The following TARS3 variants were observed in gnomAD, a reference collection of about 807,000 sequenced individuals.
TARS3 encodes the protein threonine--tRNA ligase 2, cytoplasmic.
In TARS3, 94 loss-of-function variants were observed where a neutral mutation model predicts 103.5. The ratio of observed to expected loss-of-function variants is 0.91; its 90% CI spans 0.77 to 1.08. TARS3 has a LOEUF of 1.08. TARS3 is among the 50% of genes least tolerant of loss of function. The pLI is 0.00. For synonymous variants in TARS3, 416 were observed against 355.4 expected (o/e 1.17, Z -1.92); for missense variants, 952 against 995.2 (o/e 0.96, Z 0.58).
At chr15:101,655,238 T>TA (rs916898939) in intron 18 of TARS3, among the ~76,000 whole-genome samples, 2 of 138,778 alleles carry the variant, frequency 1.4e-5, no homozygotes. Context: ...CACCTGGCAC[T>TA]AGGGTGCAAA....
At chr15:101,664,574 C>G (rs551362193) in intron 15 of TARS3, 1 of 152,140 alleles carries the variant, frequency 6.6e-6, no homozygotes, top group African/African-American at 2.4e-5. Context: ...GAACTGACAC[C>G]GAACCGCAGC....
chr15:101,674,673 G>A (rs922494548), intron 13 of TARS3, among the ~76,000 whole-genome samples: 1 of 152,104 alleles, frequency 6.6e-6, no homozygotes, highest in Non-Finnish European at 1.5e-5. Context: ...GGGTGTGGTG[G>A]CGGGGGCCTA....
intron 2 of TARS3, among the ~76,000 whole-genome samples, chr15:101,722,158 G>A (rs1019129440): frequency 6.6e-6 from 1 of 150,956 alleles, no homozygotes; most frequent in Non-Finnish European, 1.5e-5. Context: ...CTTCTCCTTA[G>A]CTCTAAAGGT....
At chr15:101,693,345 C>CG (rs1898815091) in intron 10 of TARS3, among the ~76,000 whole-genome samples, 1 of 151,958 alleles carries the variant, frequency 6.6e-6, no homozygotes, top group Non-Finnish European at 1.5e-5. Flanking sequence ...GGACTTTGTG[C>CG]GGGGGAACTC....
intron 12 of TARS3, among the ~76,000 whole-genome samples, chr15:101,681,236 G>A (rs1898243402): frequency 6.6e-6 from 1 of 152,068 alleles, no homozygotes; most frequent in East Asian, 1.9e-4. Flanking sequence ...ATCTTTCAAA[G>A]TTCTTTTGGC....
chr15:101,702,575 G>A (rs774312622), intron 8 of TARS3, among the ~76,000 whole-genome samples, 190 bp from the exon 9 acceptor site: 7 of 152,078 alleles, frequency 4.6e-5, no homozygotes, highest in Admixed American at 2.0e-4. Flanking sequence ...TTTGAGACTC[G>A]CCTGGACAAC....
At chr15:101,682,139 C>T (rs1476664746) in intron 12 of TARS3, among the ~76,000 whole-genome samples, 1 of 152,082 alleles carries the variant, frequency 6.6e-6, no homozygotes, top group Non-Finnish European at 1.5e-5. Context: ...TCTTAACTTA[C>T]TGCATCAGAA....
intron 12 of TARS3, among the ~76,000 whole-genome samples, chr15:101,678,747 C>A (rs192935333): frequency 5.8e-4 from 88 of 152,172 alleles, no homozygotes; most frequent in African/African-American, 2.1e-3. Context: ...ATTGTATTTA[C>A]CTGTTTTTAT....
intron 15 of TARS3, 109 bp downstream of exon 15, chr15:101,671,377 T>C (rs1389440573): frequency 2.1e-5 from 17 of 791,590 alleles, no homozygotes; most frequent in Non-Finnish European, 3.1e-5. Context: ...ATTGCGTGTA[T>C]AGCACATATA....
rs529519762 is a variant in TARS3, at chr15:101,693,584, C to G, written c.1320+7502G>C. On this transcript the variant is annotated intron_variant, in intron 10 of 18. Coordinates refer to ENST00000335968, the MANE Select transcript of TARS3 (RefSeq NM_152334.3). ...CTCTAGTAAAATGAAAACCTATGTT[C>G]ATACAAAAAACTGTACATGAATGAC... is the stretch of plus-strand genomic sequence containing the variant. Among the ~76,000 whole-genome samples the G allele has an allele frequency of 2.6e-5, 4 of 152,262 alleles. No homozygotes were observed. In the East Asian group the frequency reaches 7.7e-4, roughly 29 times the overall value.
At chr15:101,656,088 G>C in intron 18 of TARS3, 1 of 1,264,614 alleles carries the variant, frequency 7.9e-7, no homozygotes, top group Non-Finnish European at 1.0e-6. Flanking sequence ...ACAGGAACGA[G>C]AAATGGGGAG....
intron 1 of TARS3, 67 bp downstream of exon 1, chr15:101,724,024 C>T (rs1900631630): frequency 1.5e-6 from 2 of 1,307,484 alleles, no homozygotes; most frequent in African/African-American, 3.1e-5. Flanking sequence ...AGTTGAAAAC[C>T]TTTCGGTGCG....
intron 10 of TARS3, among the ~76,000 whole-genome samples, chr15:101,693,691 G>A (rs777219512): frequency 9.9e-5 from 15 of 152,202 alleles, no homozygotes; most frequent in Non-Finnish European, 2.1e-4. Context: ...GCAGTGGTAT[G>A]TTCATATGAT....
chr15:101,713,736 G>A (rs774255435), intron 4 of TARS3, among the ~76,000 whole-genome samples: 38 of 152,182 alleles, frequency 2.5e-4, no homozygotes, highest in Non-Finnish European at 4.9e-4. Flanking sequence ...AAATTTCATG[G>A]TGAATGTACT....
intron 4 of TARS3, among the ~76,000 whole-genome samples, chr15:101,714,489 C>T (rs548094107): frequency 6.6e-6 from 1 of 151,248 alleles, no homozygotes; most frequent in East Asian, 2.0e-4. Flanking sequence ...CCTGTAGTCC[C>T]AGGTAGCTGG....
intron 15 of TARS3, among the ~76,000 whole-genome samples, chr15:101,664,784 A>G (rs79490802): frequency 0.055 from 8,390 of 152,326 alleles, 336 homozygotes; most frequent in Middle Eastern, 0.11. Context: ...GACAAACAAC[A>G]GTCCAGCAGC....
intron 12 of TARS3, among the ~76,000 whole-genome samples, chr15:101,678,023 C>G (rs960712274): frequency 6.6e-6 from 1 of 151,156 alleles, no homozygotes; most frequent in African/African-American, 2.4e-5. Flanking sequence ...CACTGTCACC[C>G]AGGCTGGAGT....
chr15:101,654,658 ATCTC>A lies in TARS3; in HGVS notation c.2329_2332del (p.Glu777PhefsTer2). ...TTTATCAATGGCAGAAGTTACTAAA[ATCTC>A]TCCATGAATTTTGTTGTCTCTTGTT... On this transcript the variant is annotated frameshift_variant, in exon 19 of 19. Coordinates refer to ENST00000335968, the MANE Select transcript of TARS3 (RefSeq NM_152334.3). LOFTEE classifies it high-confidence loss of function. The A allele has an allele frequency of 6.2e-7, 1 of 1,614,104 alleles. No homozygotes were observed. Among genetic ancestry groups the A allele is most frequent in the Non-Finnish European group, 8.5e-7 (1 of 1,179,986 alleles).
rs1897803450 is a variant in TARS3, at chr15:101,671,518, T to C, written c.1935A>G (p.Gln645=). ...ATGTGAGATTAAATCTAATAGGCAG[T>C]TGGAAGTCCAGCTGAATTGTAGCAC... ...HQCATIQLDF[Q]LPIRFNLTYV... is the part of the protein sequence containing the mutation. Residue 645 remains glutamine, a synonymous_variant, in exon 15 of 19, where the codon CAA becomes CAG. Coordinates refer to ENST00000335968, the MANE Select transcript of TARS3 (RefSeq NM_152334.3). 6.2e-7 allele frequency: 1 copy of C among 1,610,592 alleles called. No individual in the cohort carries two copies. The highest frequency in any genetic ancestry group is 8.5e-7 in the Non-Finnish European group (1 of 1,176,986).
Sources: gnomAD v4.1 joint callset for allele counts (sites outside exome capture counted in the v4.1 genomes callset) on GRCh38, gnomAD v4.1.1 for gene constraint, MANE v1.5 for transcripts, NCBI Gene and HGNC (gene_info 2026-07-23, HGNC 2026-07-21) for gene names.